The following MGAT4B variants were observed in gnomAD, a reference collection of about 807,000 sequenced individuals.
MGAT4B encodes alpha-1,3-mannosyl-glycoprotein 4-beta-N-acetylglucosaminyltransferase B.
In MGAT4B, 38 loss-of-function variants were observed where a neutral mutation model predicts 73.9. The observed-to-expected ratio is 0.51, with a 90% CI of 0.40 to 0.67. The LOEUF (loss-of-function observed/expected upper bound fraction) is 0.67. Ranked by LOEUF, MGAT4B falls within the 30% of genes least tolerant of loss-of-function variation. The pLI is 0.00. For synonymous variants in MGAT4B, 373 were observed against 313.5 expected (o/e 1.19, Z -2.01); for missense variants, 686 against 735.2 (o/e 0.93, Z 0.77).
At chr5:179,803,328 G>C (rs1156771191) in intron 1 of MGAT4B, 3 of 948,616 alleles carry the variant, frequency 3.2e-6, no homozygotes, top group Non-Finnish European at 3.8e-6. Context: ...TACTGGCTCT[G>C]CCAGGCTCCA....
Position 179,801,500 on chromosome 5 carries a change from G to C in MGAT4B, c.425-33C>G. The stretch of plus-strand genomic sequence containing the variant: ...GGACGGAGGCCCGACGCTGGAAAGG[G>C]TGCGGGGGCCACCCGTCCCCCCACC... On this transcript the variant is annotated intron_variant, in intron 3 of 14. Transcript: ENST00000292591. This position sits in a 1 kb window ranked among gnomAD's most constrained non-coding sequence, Gnocchi z 4.8. 1.2e-6 allele frequency: 2 copies of C among 1,603,636 alleles called. No individual in the cohort carries two copies. Among genetic ancestry groups the C allele is most frequent in the South Asian group, 2.2e-5 (2 of 90,818 alleles).
chr5:179,802,182 TC>T, intron 1 of MGAT4B: 2 of 1,494,008 alleles, frequency 1.3e-6, no homozygotes, highest in Non-Finnish European at 1.8e-6. Flanking sequence ...TTAGCCCTCT[TC>T]CAGTACTCTC....
chr5:179,800,783 A>T, intron 5 of MGAT4B, 124 bp downstream of exon 5: 6 of 1,121,096 alleles, frequency 5.4e-6, no homozygotes, highest in Non-Finnish European at 7.6e-6. Flanking sequence ...CCCCTCCCCC[A>T]CCAGGTCCCT....
rs149522860 is a variant in MGAT4B at position 179,800,211 on chromosome 5, C to G, written c.768G>C (p.Ala256=). ...GCACGTAGTAGATGCCTTTGGACTG[C>G]GCGTACATCATGAGGAAGCAGTAAT... ...NLDYCFLMMY[A]QSKGIYYVQL... Residue 256 remains alanine (A), a synonymous_variant, in exon 7 of 15, where the codon GCG becomes GCC. Transcript: ENST00000292591. 245 of 1,613,572 alleles carry G rather than the reference C, an allele frequency of 1.5e-4. 2 individuals are homozygous for G. In the South Asian group the frequency reaches 2.6e-3, roughly 17 times the overall value.
chr5:179,802,314 C>T (rs1335491004), intron 1 of MGAT4B: 34 of 1,366,192 alleles, frequency 2.5e-5, no homozygotes, highest in East Asian at 1.4e-4. Flanking sequence ...CCGCTCCATC[C>T]GTTGGCCTCC....
chr5:179,803,345 G>A, intron 1 of MGAT4B: 1 of 887,650 alleles, frequency 1.1e-6, no homozygotes, highest in Non-Finnish European at 1.3e-6. Context: ...TCCACGCTGG[G>A]CTCAGGGGCT....
chr5:179,800,431 G>A, intron 6 of MGAT4B, 53 bp downstream of exon 6: 2 of 1,439,088 alleles, frequency 1.4e-6, no homozygotes, highest in Non-Finnish European at 1.9e-6. Context: ...CCAGTAGATG[G>A]GTTCTCAGCA....
At chr5:179,800,629 G>T in intron 5 of MGAT4B, 32 bp from the exon 6 acceptor site, 1 of 1,461,970 alleles carries the variant, frequency 6.8e-7, no homozygotes, top group South Asian at 1.2e-5. Context: ...TCCGTATGCA[G>T]CCTCCAGGGG....
chr5:179,800,362 G>T, intron 6 of MGAT4B, 103 bp from the exon 7 acceptor site: 1 of 1,467,914 alleles, frequency 6.8e-7, no homozygotes, highest in Non-Finnish European at 9.5e-7. Context: ...CCACCCCCAT[G>T]CACGGGTCCT....
chr5:179,803,351 G>A (rs1757025005), intron 1 of MGAT4B: 1 of 865,878 alleles, frequency 1.2e-6, no homozygotes, highest in South Asian at 5.3e-5. Flanking sequence ...CTGGGCTCAG[G>A]GGCTCGGTTA....
In MGAT4B at chr5:179,806,686, GC is replaced by G; in HGVS notation, c.-104del. On this transcript the variant is annotated 5_prime_UTR_variant, in exon 1 of 15. Coordinates refer to ENST00000292591, the MANE Select transcript of MGAT4B (RefSeq NM_014275.5). The surrounding 1 kb of genome is among the most constrained non-coding windows in gnomAD (Gnocchi z 4.6). ...GAAGGCGGCGGCGGCGGCGGCAGGG[GC>G]CCCGGCCCCGGGTCGGGGAGGGGCG... is the stretch of plus-strand genomic sequence containing the variant. 1 of 303,818 alleles carries G rather than the reference GC, an allele frequency of 3.3e-6. No homozygotes were observed. Among genetic ancestry groups the G allele is most frequent in the Non-Finnish European group, 4.7e-6 (1 of 211,400 alleles). The allele number at this position is 303,818 out of a possible 1,614,324, so 18.8% of individuals were successfully genotyped here.
At chr5:179,804,763 G>A (rs985491720) in intron 1 of MGAT4B, among the ~76,000 whole-genome samples, 5 of 152,118 alleles carry the variant, frequency 3.3e-5, no homozygotes, top group African/African-American at 9.7e-5. Flanking sequence ...GACTGGCTAC[G>A]TCTGGTTTCA....
At position 179,801,595 on chromosome 5, in the gene MGAT4B, C is replaced by G; in HGVS notation, c.383G>C (p.Ser128Thr). The G allele has an allele frequency of 6.2e-7, 1 of 1,607,860 alleles. No individual in the cohort carries two copies. Among genetic ancestry groups the G allele is most frequent in the East Asian group, 2.2e-5 (1 of 44,612 alleles). The change falls in exon 3 of 15, where the codon AGT (serine) becomes ACT (threonine). Residue 128 changes from serine to threonine, a missense_variant. Ser to Thr is a moderately conservative substitution (Grantham distance 58, BLOSUM62 1). This residue lies in a region of MGAT4B where 237 missense variants were observed against 198.5 expected (regional missense o/e 1.19). Transcript: ENST00000292591. This position sits in a 1 kb window ranked among gnomAD's most constrained non-coding sequence, Gnocchi z 4.8. ...GCCCACGCGCACCGCGGGCTGCAGA[C>G]TGCTCTCCTTGGCCAGCAGGTGTGG... is the stretch of plus-strand genomic sequence containing the variant. ...HLPHLLAKES[S>T]LQPAVRVGQG...
Position 179,799,507 on chromosome 5 carries a change from G to T in MGAT4B, c.1040C>A (p.Ala347Glu), listed in dbSNP as rs182575029. The change falls in exon 9 of 15, where the codon GCG (alanine) becomes GAG (glutamate). Residue 347 changes from alanine to glutamate, a missense_variant and splice_region_variant. Physicochemically the swap from Ala to Glu is moderately radical, Grantham distance 107. Coordinates refer to ENST00000292591, the MANE Select transcript of MGAT4B (RefSeq NM_014275.5). Reference protein sequence around the residue: ...WVKVCNPEKDAKHCDRQKANL... With the variant: ...WVKVCNPEKDEKHCDRQKANL... Reference sequence around the variant, plus strand: ...CCAGTCCCGCCAGCTCTTGCTCACCGCATCCTTCTCGGGGTTGCAGACTTT... The same window carrying T: ...CCAGTCCCGCCAGCTCTTGCTCACCTCATCCTTCTCGGGGTTGCAGACTTT... 1.2e-6 allele frequency: 2 copies of T among 1,613,820 alleles called. No individual in the cohort carries two copies.
chr5:179,806,422 C>T lies in MGAT4B; in HGVS notation c.97+65G>A, dbSNP rs1757160035. On this transcript the variant is annotated intron_variant, in intron 1 of 14. Transcript: ENST00000292591. The surrounding 1 kb of genome is among the most constrained non-coding windows in gnomAD (Gnocchi z 4.6). ...TCCGGCCGCCTTCCGCGGCCACCGC[C>T]GGGCCCGCTCCCGCCGCCGACGCCC... 4.8e-6 allele frequency: 5 copies of T among 1,044,544 alleles called. No homozygotes were observed. The highest frequency in any genetic ancestry group is 3.8e-5 in the South Asian group (1 of 26,346). The allele number at this position is 1,044,544 out of a possible 1,614,324, so 64.7% of individuals were successfully genotyped here.
chr5:179,799,784 A>G, intron 8 of MGAT4B, 148 bp from the exon 9 acceptor site: 11 of 1,301,844 alleles, frequency 8.4e-6, no homozygotes, highest in Non-Finnish European at 1.2e-5. Flanking sequence ...TGATGAGGGC[A>G]GACATGTCTG....
chr5:179,801,809 G>A lies in MGAT4B; in HGVS notation c.258C>T (p.Gly86=), dbSNP rs1316899306. The A allele has an allele frequency of 4.5e-6, 7 of 1,564,370 alleles. No individual in the cohort carries two copies. The Admixed American group carries it at 8.6e-5, about 19-fold the overall frequency. Residue 86 remains glycine, a synonymous_variant, in exon 2 of 15, where the codon GGC becomes GGT. Coordinates refer to ENST00000292591, the MANE Select transcript of MGAT4B (RefSeq NM_014275.5). The surrounding 1 kb of genome is among the most constrained non-coding windows in gnomAD (Gnocchi z 4.8). ...SERQALRDGD[G]NRTWGRLTED... ...CTGTTAGGCGGCCCCAGGTGCGATTGCCGTCTCCGTCTCGCAGCGCCTGCC... is the reference window on the plus strand; with the variant it reads ...CTGTTAGGCGGCCCCAGGTGCGATTACCGTCTCCGTCTCGCAGCGCCTGCC...
chr5:179,802,152 T>C lies in MGAT4B; in HGVS notation c.98-183A>G, dbSNP rs761256526. 8 of 1,509,746 alleles carry C rather than the reference T, an allele frequency of 5.3e-6. No individual in the cohort carries two copies. In the South Asian group the frequency reaches 6.5e-5, roughly 12 times the overall value. The allele number at this position is 1,509,746 out of a possible 1,614,324, so 93.5% of individuals were successfully genotyped here. A position where few individuals can be genotyped will look rare whatever the true frequency, so the allele number is the denominator to read the frequency against. On this transcript the variant is annotated intron_variant, in intron 1 of 14. Transcript: ENST00000292591. ...AAAATTACACTGACACTAATGCTCA[T>C]GGGGAGAAAACCAGGGGAATTAGCC...
In MGAT4B at chr5:179,797,985, G is replaced by A. The variant is rs745710736; in HGVS notation, c.*60C>T. The A allele has an allele frequency of 1.9e-5, 30 of 1,570,746 alleles. No homozygotes were observed. Among genetic ancestry groups the A allele is most frequent in the South Asian group, 4.6e-5 (4 of 86,382 alleles). ...CTGGCCCTCCGGGGACGGCAGTGAC[G>A]ACACCCCCAGAAATGTGGGCTTCAG... On this transcript the variant is annotated 3_prime_UTR_variant, in exon 15 of 15. Coordinates refer to ENST00000292591, the MANE Select transcript of MGAT4B (RefSeq NM_014275.5).
Sources: gnomAD v4.1 joint callset for allele counts (sites outside exome capture counted in the v4.1 genomes callset) on GRCh38, gnomAD v4.1.1 for gene constraint, gnomAD v4.1.1 regional missense constraint, Gnocchi (gnomAD v3.1) non-coding constraint, MANE v1.5 for transcripts, NCBI Gene and HGNC (gene_info 2026-07-23, HGNC 2026-07-21) for gene names.